The following UNCX variants were observed in gnomAD, a reference collection of about 807,000 sequenced individuals.
UNCX encodes the protein UNC homeobox, also known as homeobox protein unc-4 homolog.
A neutral mutation model predicts 14.8 loss-of-function variants in UNCX; 4 were observed. The observed-to-expected ratio is 0.27, with a 90% CI of 0.13 to 0.62. The LOEUF is 0.62. UNCX is among the 20% of genes least tolerant of loss of function. The pLI, the probability that UNCX is intolerant of heterozygous loss-of-function variation, is 0.86. For missense variants in UNCX, 749 were observed against 786.8 expected, an observed-to-expected ratio of 0.95 and a Z score of 0.58; for synonymous variants, 459 against 395.8, an observed-to-expected ratio of 1.16 and a Z score of -1.90.
At position 1,236,858 on chromosome 7, in the gene UNCX, C is replaced by T; in HGVS notation, c.1477C>T (p.Pro493Ser). 9.8e-7 allele frequency: 1 copy of T among 1,024,108 alleles called. No individual in the cohort carries two copies. The highest frequency in any genetic ancestry group is 1.2e-6 in the Non-Finnish European group (1 of 856,948). 63.4% of individuals were successfully genotyped at this position (1,024,108 alleles called of 1,614,324 possible). ...GPAPPPPAPSPRPGPRPPSPA... is the reference protein window; with the variant it reads ...GPAPPPPAPSSRPGPRPPSPA... ...CGCGCCCCCGCCGCCCGCGCCGTCG[C>T]CCAGGCCCGGCCCTCGGCCTCCCAG... is the stretch of plus-strand genomic sequence containing the variant. The change falls in exon 3 of 3, where the codon CCC becomes TCC. Residue 493 changes from proline to serine, a missense_variant. Pro to Ser is a moderately conservative substitution (Grantham distance 74). Transcript: ENST00000316333. The surrounding 1 kb of genome is among the most constrained non-coding windows in gnomAD (Gnocchi z 6.9).
chr7:1,233,765 G>C lies in UNCX; in HGVS notation c.450+70G>C. 1 of 1,522,474 alleles carries C rather than the reference G, an allele frequency of 6.6e-7. No individual in the cohort carries two copies. Among genetic ancestry groups the C allele is most frequent in the African/African-American group, 1.4e-5 (1 of 71,130 alleles). 94.3% of individuals were successfully genotyped at this position (1,522,474 alleles called of 1,614,324 possible). On this transcript the variant is annotated intron_variant, in intron 2 of 2. Transcript: ENST00000316333. This position sits in a 1 kb window ranked among gnomAD's most constrained non-coding sequence, Gnocchi z 5.3. The stretch of plus-strand genomic sequence containing the variant: ...GCTCTGGGCGCGCCGGGACGCCTTT[G>C]TTCCAGGTGGCGAGATATCGTCCCC...
chr7:1,236,200 C>T lies in UNCX; in HGVS notation c.819C>T (p.Gly273=). The change falls in exon 3 of 3, where the codon GGC becomes GGT. Residue 273 remains glycine (G), a synonymous_variant. Transcript: ENST00000316333. The surrounding 1 kb of genome is among the most constrained non-coding windows in gnomAD (Gnocchi z 6.9). The part of the protein sequence containing the change: ...GAAGTAPAPP[G]EPPAPGTCDP... ...CGGGGACCGCGCCCGCCCCTCCCGG[C>T]GAGCCGCCTGCACCCGGCACCTGCG... 1 of 1,311,452 alleles carries T rather than the reference C, an allele frequency of 7.6e-7. No homozygotes were observed. 81.2% of individuals were successfully genotyped at this position (1,311,452 alleles called of 1,614,324 possible). A position where few individuals can be genotyped will look rare whatever the true frequency, so the allele number is the denominator to read the frequency against.
In UNCX at chr7:1,236,617, G is replaced by T. The variant is rs1276475582; in HGVS notation, c.1236G>T (p.Ala412=). 12 of 1,084,296 alleles carry T rather than the reference G, an allele frequency of 1.1e-5. No individual in the cohort carries two copies. In the Admixed American group the frequency reaches 1.6e-4, roughly 15 times the overall value. The allele number at this position is 1,084,296 out of a possible 1,614,324, so 67.2% of individuals were successfully genotyped here. A position where few individuals can be genotyped will look rare whatever the true frequency, so the allele number is the denominator to read the frequency against. ...CGGCGCCCAAGGACGCGCCGCCCGC[G>T]CCCGCCGTGCCGCCCGCGCCGCCTG... ...LEPAPKDAPP[A]PAVPPAPPAQ... is the part of the protein sequence containing the mutation. The change falls in exon 3 of 3, where the codon GCG becomes GCT. Residue 412 remains alanine, a synonymous_variant. Coordinates refer to ENST00000316333, the MANE Select transcript of UNCX (RefSeq NM_001080461.3). The surrounding 1 kb of genome is among the most constrained non-coding windows in gnomAD (Gnocchi z 6.9).
Position 1,236,173 on chromosome 7 carries a change from C to T in UNCX, c.792C>T (p.Ala264=). The change falls in exon 3 of 3, where the codon GCC becomes GCT. Residue 264 remains alanine, a synonymous_variant. Coordinates refer to ENST00000316333, the MANE Select transcript of UNCX (RefSeq NM_001080461.3). The surrounding 1 kb of genome is among the most constrained non-coding windows in gnomAD (Gnocchi z 6.9). The part of the protein sequence containing the change: ...AKGPGAHASG[A]AGTAPAPPGE... The stretch of plus-strand genomic sequence containing the variant: ...GCCCCGGAGCGCACGCCTCGGGCGC[C>T]GCGGGGACCGCGCCCGCCCCTCCCG... 1 of 1,216,768 alleles carries T rather than the reference C, an allele frequency of 8.2e-7. No homozygotes were observed. Among genetic ancestry groups the T allele is most frequent in the African/African-American group, 1.6e-5 (1 of 60,942 alleles). The allele number at this position is 1,216,768 out of a possible 1,614,324, so 75.4% of individuals were successfully genotyped here. A position where few individuals can be genotyped will look rare whatever the true frequency, so the allele number is the denominator to read the frequency against.
intron 2 of UNCX, among the ~76,000 whole-genome samples, chr7:1,235,282 C>T (rs764253456): frequency 1.3e-5 from 2 of 152,262 alleles, no homozygotes; most frequent in African/African-American, 2.4e-5. Context: ...TCCCCAGGCC[C>T]TTCCGGACGA....
chr7:1,233,226 AC>A lies in UNCX; in HGVS notation c.213del (p.Thr72ArgfsTer71). On this transcript the variant is annotated frameshift_variant, in exon 1 of 3. Coordinates refer to ENST00000316333, the MANE Select transcript of UNCX (RefSeq NM_001080461.3). LOFTEE classifies it high-confidence loss of function. The surrounding 1 kb of genome is among the most constrained non-coding windows in gnomAD (Gnocchi z 5.3). The stretch of plus-strand genomic sequence containing the variant: ...TGCGCCGCCGCCGCCTCGGTGGTCA[AC>A]CCCACGCCGCTGCTGCCAGCCGCCT... ...GSCAAAASVV[N>X]PTPLLPAACG... is the part of the protein sequence containing the mutation. 7.1e-7 allele frequency: 1 copy of A among 1,410,810 alleles called. No individual in the cohort carries two copies. Among genetic ancestry groups the A allele is most frequent in the East Asian group, 3.1e-5 (1 of 31,918 alleles). The allele number at this position is 1,410,810 out of a possible 1,614,324, so 87.4% of individuals were successfully genotyped here.
rs1160954847 is a variant in UNCX at position 1,235,994 on chromosome 7, C to CGCA, written c.614_616dup (p.Arg205_Lys206insSer). 1 of 1,609,590 alleles carries CGCA rather than the reference C, an allele frequency of 6.2e-7. No individual in the cohort carries two copies. Among genetic ancestry groups the CGCA allele is most frequent in the Non-Finnish European group, 8.5e-7 (1 of 1,178,748 alleles). On this transcript the variant is annotated inframe_insertion, in exon 3 of 3. Coordinates refer to ENST00000316333, the MANE Select transcript of UNCX (RefSeq NM_001080461.3). The stretch of plus-strand genomic sequence containing the variant: ...GCTGGAGAAGATGGAGAAGAAGAAG[C>CGCA]GCAAGCACGAGAAGAAGCTGCTGAA...
In UNCX at chr7:1,236,407, G is replaced by A. The variant is rs1331172461; in HGVS notation, c.1026G>A (p.Pro342=). ...TGGAGAGCCTCCTGTCCGACTCGCC[G>A]CCGCGCCGGAAAGCCGCTTCCAACG... ...FSVESLLSDS[P]PRRKAASNAA... is the part of the protein sequence containing the mutation. Residue 342 remains proline, a synonymous_variant, in exon 3 of 3, where the codon CCG becomes CCA. Coordinates refer to ENST00000316333, the MANE Select transcript of UNCX (RefSeq NM_001080461.3). The surrounding 1 kb of genome is among the most constrained non-coding windows in gnomAD (Gnocchi z 6.9). 2.2e-6 allele frequency: 3 copies of A among 1,369,600 alleles called. No individual in the cohort carries two copies. The highest frequency in any genetic ancestry group is 2.7e-4 in the Middle Eastern group (1 of 3,674). The allele number at this position is 1,369,600 out of a possible 1,614,324, so 84.8% of individuals were successfully genotyped here. A position where few individuals can be genotyped will look rare whatever the true frequency, so the allele number is the denominator to read the frequency against.
Position 1,233,613 on chromosome 7 carries a change from C to T in UNCX, c.368C>T (p.Ala123Val). The T allele has an allele frequency of 6.2e-7, 1 of 1,613,084 alleles. No individual in the cohort carries two copies. The highest frequency in any genetic ancestry group is 8.5e-7 in the Non-Finnish European group (1 of 1,179,882). Residue 123 changes from alanine (A) to valine (V), a missense_variant, in exon 2 of 3, where the codon GCG becomes GTG. Transcript: ENST00000316333. The surrounding 1 kb of genome is among the most constrained non-coding windows in gnomAD (Gnocchi z 5.3). Reference protein sequence around the residue: ...TGWQLEELEKAFNESHYPDVF... With the variant: ...TGWQLEELEKVFNESHYPDVF... The stretch of plus-strand genomic sequence containing the variant: ...TGGCAGCTGGAGGAGCTGGAGAAGG[C>T]GTTCAACGAGAGCCACTATCCCGAC...
In UNCX at chr7:1,236,791, GGGC is replaced by G; in HGVS notation, c.1419_1421del (p.Gly474del). 2.0e-6 allele frequency: 2 copies of G among 986,898 alleles called. No individual in the cohort carries two copies. Among genetic ancestry groups the G allele is most frequent in the Non-Finnish European group, 2.4e-6 (2 of 832,538 alleles). The allele number at this position is 986,898 out of a possible 1,614,324, so 61.1% of individuals were successfully genotyped here. A position where few individuals can be genotyped will look rare whatever the true frequency, so the allele number is the denominator to read the frequency against. On this transcript the variant is annotated inframe_deletion, in exon 3 of 3. Transcript: ENST00000316333. The surrounding 1 kb of genome is among the most constrained non-coding windows in gnomAD (Gnocchi z 6.9). ...ACCTCGCCTCGGCAGCGGCTACCGA[GGGC>G]GGCGGCGGGGACTGCGCGGACGCGG...
In UNCX at chr7:1,236,352, C is replaced by A; in HGVS notation, c.971C>A (p.Ala324Glu). 2 of 1,311,430 alleles carry A rather than the reference C, an allele frequency of 1.5e-6. No individual in the cohort carries two copies. The highest frequency in any genetic ancestry group is 3.5e-5 in the East Asian group (1 of 28,430). The allele number at this position is 1,311,430 out of a possible 1,614,324, so 81.2% of individuals were successfully genotyped here. The change falls in exon 3 of 3, where the codon GCG becomes GAG. Residue 324 changes from alanine to glutamate, a missense_variant. Transcript: ENST00000316333. This position sits in a 1 kb window ranked among gnomAD's most constrained non-coding sequence, Gnocchi z 6.9. ...GTGGCGGCGGTGGAGCGCGGCGCCG[C>A]GGGGCTGCCCAAGGCCAGCCCATTC... ...AAVAAVERGA[A>E]GLPKASPFSV...
rs1275365599 is a variant in UNCX, at chr7:1,236,412, G to T, written c.1031G>T (p.Arg344Leu). 7.3e-7 allele frequency: 1 copy of T among 1,367,852 alleles called. No homozygotes were observed. Among genetic ancestry groups the T allele is most frequent in the Admixed American group, 3.0e-5 (1 of 33,246 alleles). 84.7% of individuals were successfully genotyped at this position (1,367,852 alleles called of 1,614,324 possible). Residue 344 changes from arginine (R) to leucine (L), a missense_variant, in exon 3 of 3, where the codon CGC (arginine) becomes CTC (leucine). Transcript: ENST00000316333. The surrounding 1 kb of genome is among the most constrained non-coding windows in gnomAD (Gnocchi z 6.9). ...AGCCTCCTGTCCGACTCGCCGCCGC[G>T]CCGGAAAGCCGCTTCCAACGCCGCC... ...VESLLSDSPPRRKAASNAAAA... is the reference protein window; with the variant it reads ...VESLLSDSPPLRKAASNAAAA...
In UNCX at chr7:1,236,182, C is replaced by T; in HGVS notation, c.801C>T (p.Thr267=). Residue 267 remains threonine (T), a synonymous_variant, in exon 3 of 3, where the codon ACC becomes ACT. Coordinates refer to ENST00000316333, the MANE Select transcript of UNCX (RefSeq NM_001080461.3). The surrounding 1 kb of genome is among the most constrained non-coding windows in gnomAD (Gnocchi z 6.9). The stretch of plus-strand genomic sequence containing the variant: ...CGCACGCCTCGGGCGCCGCGGGGAC[C>T]GCGCCCGCCCCTCCCGGCGAGCCGC... ...PGAHASGAAG[T]APAPPGEPPA... 2.4e-6 allele frequency: 3 copies of T among 1,236,434 alleles called. No homozygotes were observed. The highest frequency in any genetic ancestry group is 3.1e-6 in the Non-Finnish European group (3 of 980,750). 76.6% of individuals were successfully genotyped at this position (1,236,434 alleles called of 1,614,324 possible).
Position 1,236,389 on chromosome 7 carries a change from C to T in UNCX, c.1008C>T (p.Ser336=). 1 of 1,369,940 alleles carries T rather than the reference C, an allele frequency of 7.3e-7. No homozygotes were observed. The highest frequency in any genetic ancestry group is 9.4e-7 in the Non-Finnish European group (1 of 1,058,942). 84.9% of individuals were successfully genotyped at this position (1,369,940 alleles called of 1,614,324 possible). A position where few individuals can be genotyped will look rare whatever the true frequency, so the allele number is the denominator to read the frequency against. The change falls in exon 3 of 3, where the codon AGC becomes AGT. Residue 336 remains serine (S), a synonymous_variant. Transcript: ENST00000316333. The surrounding 1 kb of genome is among the most constrained non-coding windows in gnomAD (Gnocchi z 6.9). ...LPKASPFSVE[S]LLSDSPPRRK... ...AGGCCAGCCCATTCAGCGTGGAGAG[C>T]CTCCTGTCCGACTCGCCGCCGCGCC... is the stretch of plus-strand genomic sequence containing the variant.
chr7:1,234,557 T>C (rs1562375127), intron 2 of UNCX, among the ~76,000 whole-genome samples: 1 of 151,590 alleles, frequency 6.6e-6, no homozygotes, highest in Non-Finnish European at 1.5e-5. Context: ...GCAAAACGCC[T>C]GTTTATCACC....
In UNCX at chr7:1,236,933, G is replaced by A; in HGVS notation, c.1552G>A (p.Ala518Thr). The change falls in exon 3 of 3, where the codon GCC becomes ACC. Residue 518 changes from alanine (A) to threonine (T), a missense_variant. Physicochemically the swap from Ala to Thr is moderately conservative, Grantham distance 58. Coordinates refer to ENST00000316333, the MANE Select transcript of UNCX (RefSeq NM_001080461.3). The surrounding 1 kb of genome is among the most constrained non-coding windows in gnomAD (Gnocchi z 6.9). ...TCGVPEPGAA[A>T]GPSPPEGEEL... The stretch of plus-strand genomic sequence containing the variant: ...CGGGGTTCCCGAGCCTGGCGCGGCG[G>A]CCGGACCCAGCCCGCCGGAGGGCGA... 8.4e-7 allele frequency: 1 copy of A among 1,195,784 alleles called. No homozygotes were observed. The allele number at this position is 1,195,784 out of a possible 1,614,324, so 74.1% of individuals were successfully genotyped here. A position where few individuals can be genotyped will look rare whatever the true frequency, so the allele number is the denominator to read the frequency against.
chr7:1,236,625 TGCCGCCCGC>T lies in UNCX; in HGVS notation c.1251_1259del (p.Pro419_Ala421del), dbSNP rs1778748307. ...AAGGACGCGCCGCCCGCGCCCGCCGTGCCGCCCGCGCCGCCTGCCCAGGCCAGTTTCGGG... is the reference window on the plus strand; with the variant it reads ...AAGGACGCGCCGCCCGCGCCCGCCGTGCCGCCTGCCCAGGCCAGTTTCGGG... On this transcript the variant is annotated inframe_deletion, in exon 3 of 3. Coordinates refer to ENST00000316333, the MANE Select transcript of UNCX (RefSeq NM_001080461.3). This position sits in a 1 kb window ranked among gnomAD's most constrained non-coding sequence, Gnocchi z 6.9. 3 of 1,066,804 alleles carry T rather than the reference TGCCGCCCGC, an allele frequency of 2.8e-6. No homozygotes were observed. The highest frequency in any genetic ancestry group is 3.4e-6 in the Non-Finnish European group (3 of 889,266). The allele number at this position is 1,066,804 out of a possible 1,614,324, so 66.1% of individuals were successfully genotyped here. A position where few individuals can be genotyped will look rare whatever the true frequency, so the allele number is the denominator to read the frequency against.
chr7:1,234,080 C>A (rs1007796574), intron 2 of UNCX, among the ~76,000 whole-genome samples: 4 of 151,286 alleles, frequency 2.6e-5, no homozygotes, highest in African/African-American at 7.3e-5. Context: ...AAGGGGACCC[C>A]CCCCCGCCCC....
chr7:1,233,420 C>A lies in UNCX; in HGVS notation c.275-100C>A, dbSNP rs866965676. 10 of 1,373,278 alleles carry A rather than the reference C, an allele frequency of 7.3e-6. No individual in the cohort carries two copies. Among genetic ancestry groups the A allele is most frequent in the Admixed American group, 6.6e-5 (2 of 30,158 alleles). 85.1% of individuals were successfully genotyped at this position (1,373,278 alleles called of 1,614,324 possible). A position where few individuals can be genotyped will look rare whatever the true frequency, so the allele number is the denominator to read the frequency against. On this transcript the variant is annotated intron_variant, in intron 1 of 2. Coordinates refer to ENST00000316333, the MANE Select transcript of UNCX (RefSeq NM_001080461.3). This position sits in a 1 kb window ranked among gnomAD's most constrained non-coding sequence, Gnocchi z 5.3. ...TCCTAGGCGGCCGTCTCTGCGCCCC[C>A]CCCCCCGGATCCAGGCGGCCAGCGG...
Sources: gnomAD v4.1 joint callset for allele counts (sites outside exome capture counted in the v4.1 genomes callset) on GRCh38, gnomAD v4.1.1 for gene constraint, Gnocchi (gnomAD v3.1) non-coding constraint, MANE v1.5 for transcripts, NCBI Gene and HGNC (gene_info 2026-07-23, HGNC 2026-07-21) for gene names.